Variants in GPC6 observed in about 807,000 individuals in gnomAD.
The protein encoded by GPC6 is glypican 6.
A neutral mutation model predicts 55.2 loss-of-function variants in GPC6; 14 were observed. That is an observed-to-expected ratio of 0.25 (90% CI 0.17 to 0.40). The LOEUF (loss-of-function observed/expected upper bound fraction) is 0.40, where lower values mean the gene tolerates loss of function less well. Ranked by LOEUF, GPC6 falls within the 10% of genes least tolerant of loss-of-function variation. The probability of loss-of-function intolerance (pLI) is 1.00; values close to 1 mark genes in which losing one functional copy is unlikely to be tolerated. For synonymous variants in GPC6, 278 were observed against 259.6 expected (o/e 1.07, Z -0.68); for missense variants, 641 against 708.5 (o/e 0.90, Z 1.08).
At chr13:93,318,578 G>C (rs1879322607) in intron 1 of GPC6, among the ~76,000 whole-genome samples, 1 of 152,094 alleles carries the variant, frequency 6.6e-6, no homozygotes, top group African/African-American at 2.4e-5. Context: ...AAGAGGATTG[G>C]AGAGGAGATA....
At chr13:93,540,843 T>A (rs1326885730) in intron 1 of GPC6, among the ~76,000 whole-genome samples, 3 of 152,138 alleles carry the variant, frequency 2.0e-5, no homozygotes, top group Admixed American at 2.0e-4. Flanking sequence ...ACCTCTTACT[T>A]TCCTCTACCC....
chr13:93,412,958 T>C (rs1330979874), intron 1 of GPC6, among the ~76,000 whole-genome samples: 1 of 152,172 alleles, frequency 6.6e-6, no homozygotes, highest in Non-Finnish European at 1.5e-5. Context: ...AAATTATATC[T>C]GGAAACCTGC....
chr13:94,378,974 G>T (rs1880028753), intron 6 of GPC6, among the ~76,000 whole-genome samples: 1 of 151,978 alleles, frequency 6.6e-6, no homozygotes, highest in South Asian at 2.1e-4. Flanking sequence ...CACTGTCATT[G>T]TCAGTAATAT....
Position 94,404,825 on chromosome 13 carries a change from C to T in GPC6, c.*1608C>T, listed in dbSNP as rs1204334880. ...TAGAGCCACAGCCTAACCTGTTCACCAAGTAGGCCAAAGCCAGGCCTTTCG... is the reference window on the plus strand; with the variant it reads ...TAGAGCCACAGCCTAACCTGTTCACTAAGTAGGCCAAAGCCAGGCCTTTCG... On this transcript the variant is annotated 3_prime_UTR_variant, in exon 9 of 9. Coordinates refer to ENST00000377047, the MANE Select transcript of GPC6 (RefSeq NM_005708.5). 6.6e-6 allele frequency: 1 copy of T among 152,164 alleles called. No individual in the cohort carries two copies. Among genetic ancestry groups the T allele is most frequent in the Non-Finnish European group, 1.5e-5 (1 of 68,030 alleles). The allele number at this position is 152,164 out of a possible 1,614,324, so 9.4% of individuals were successfully genotyped here. A position where few individuals can be genotyped will look rare whatever the true frequency, so the allele number is the denominator to read the frequency against.
intron 4 of GPC6, among the ~76,000 whole-genome samples, chr13:94,050,086 T>A (rs1883887855): frequency 6.6e-6 from 1 of 152,134 alleles, no homozygotes; most frequent in African/African-American, 2.4e-5. Flanking sequence ...ATTAAACCTC[T>A]TTTTCTTTAT....
At chr13:93,621,355 T>A (rs1473755136) in intron 2 of GPC6, among the ~76,000 whole-genome samples, 1 of 152,206 alleles carries the variant, frequency 6.6e-6, no homozygotes, top group Non-Finnish European at 1.5e-5. Flanking sequence ...GAACACCCTG[T>A]CTTTGCTGCA....
intron 2 of GPC6, among the ~76,000 whole-genome samples, chr13:93,610,231 A>G (rs1878407677): frequency 6.6e-6 from 1 of 152,226 alleles, no homozygotes; most frequent in Non-Finnish European, 1.5e-5. Flanking sequence ...AGGGGAGGAC[A>G]GTAGTGATTC....
At chr13:93,403,775 A>G (rs1365009082) in intron 1 of GPC6, among the ~76,000 whole-genome samples, 1 of 152,048 alleles carries the variant, frequency 6.6e-6, no homozygotes, top group African/African-American at 2.4e-5. Context: ...TAATCAAGCT[A>G]ATTTTTTTTT....
chr13:93,689,869 A>G (rs749350490), intron 2 of GPC6, among the ~76,000 whole-genome samples: 25 of 152,140 alleles, frequency 1.6e-4, no homozygotes, highest in Non-Finnish European at 3.4e-4. Flanking sequence ...TAAATCAGTC[A>G]CTTAAATCAG....
chr13:94,294,118 A>C (rs1249284653), intron 5 of GPC6, among the ~76,000 whole-genome samples: 1 of 152,204 alleles, frequency 6.6e-6, no homozygotes, highest in Non-Finnish European at 1.5e-5. Flanking sequence ...GGAAGGGAGA[A>C]AAAACCTGAA....
intron 1 of GPC6, among the ~76,000 whole-genome samples, chr13:93,358,958 G>T (rs1303920971): frequency 2.0e-5 from 3 of 149,626 alleles, no homozygotes; most frequent in African/African-American, 7.4e-5. Flanking sequence ...GAAATGTATT[G>T]CCTTAATTCT....
chr13:93,689,918 T>C (rs1164214733), intron 2 of GPC6, among the ~76,000 whole-genome samples: 1 of 152,144 alleles, frequency 6.6e-6, no homozygotes, highest in Non-Finnish European at 1.5e-5. Flanking sequence ...TAAGCAGGCC[T>C]TATATATAGT....
chr13:93,758,804 A>T (rs1884864265), intron 2 of GPC6, among the ~76,000 whole-genome samples: 1 of 152,044 alleles, frequency 6.6e-6, no homozygotes, highest in Admixed American at 6.6e-5. Flanking sequence ...CTTCCTTTTG[A>T]CCTACTGGCA....
At chr13:93,449,635 T>G (rs1047991156) in intron 1 of GPC6, among the ~76,000 whole-genome samples, 1 of 151,918 alleles carries the variant, frequency 6.6e-6, no homozygotes, top group Non-Finnish European at 1.5e-5. Context: ...CGAAACCAGC[T>G]TGGCCAACAT....
intron 4 of GPC6, among the ~76,000 whole-genome samples, chr13:94,076,961 T>G (rs1172893221): frequency 3.6e-4 from 4 of 11,158 alleles, no homozygotes; most frequent in Non-Finnish European, 8.8e-4. Context: ...GGTGCTTCTG[T>G]TTTTTTTTTT....
chr13:93,365,526 A>T (rs1881215223), intron 1 of GPC6, among the ~76,000 whole-genome samples: 1 of 152,060 alleles, frequency 6.6e-6, no homozygotes, highest in Admixed American at 6.6e-5. Context: ...AAATCAATAA[A>T]CTAGAGTTAG....
chr13:93,929,381 T>TA (rs1878036595), intron 3 of GPC6, among the ~76,000 whole-genome samples: 1 of 152,228 alleles, frequency 6.6e-6, no homozygotes, highest in South Asian at 2.1e-4. Flanking sequence ...TTGTTGATAA[T>TA]ACATTTATTT....
intron 3 of GPC6, among the ~76,000 whole-genome samples, chr13:94,020,163 A>C (rs1882641748): frequency 6.6e-6 from 1 of 152,024 alleles, no homozygotes; most frequent in African/African-American, 2.4e-5. Context: ...TATGGCTATA[A>C]GTTTTGGCAT....
intron 4 of GPC6, among the ~76,000 whole-genome samples, chr13:94,041,299 T>C (rs1287978358): frequency 6.6e-6 from 1 of 151,840 alleles, no homozygotes; most frequent in Non-Finnish European, 1.5e-5. Context: ...AGAGCTATGA[T>C]GGCAGTTTAT....
Sources: allele counts gnomAD v4.1 joint callset (sites outside exome capture counted in the v4.1 genomes callset), GRCh38; gene constraint gnomAD v4.1.1; transcripts MANE v1.5; gene names NCBI Gene and HGNC (gene_info 2026-07-23, HGNC 2026-07-21).